Variants in DCAF12L1 observed in about 807,000 individuals in gnomAD.
DCAF12L1 encodes the protein DDB1 and CUL4 associated factor 12 like 1.
For synonymous variants in DCAF12L1, 218 were observed against 196.4 expected (o/e 1.11, Z -0.92); for missense variants, 251 against 409.2 (o/e 0.61, Z 3.34).
Position 126,552,781 on chromosome X carries a change from G to T in DCAF12L1, c.-173C>A. ...ACGCGCGGGAGAGGGCGGCGGTGGC[G>T]GTGCAGACCTAGGCGAAGGCGGGAA... On this transcript the variant is annotated 5_prime_UTR_variant, in exon 1 of 2. Transcript: ENST00000371126. 1.4e-5 allele frequency: 11 copies of T among 805,194 alleles called. No homozygotes were observed. The South Asian group carries it at 2.5e-4, about 18-fold the overall frequency. 66.4% of individuals were successfully genotyped at this position (805,194 alleles called of 1,213,427 possible). A position where few individuals can be genotyped will look rare whatever the true frequency, so the allele number is the denominator to read the frequency against.
chrX:126,552,771 C>A lies in DCAF12L1; in HGVS notation c.-163G>T. ...CGGGTGAGGGACGCGCGGGAGAGGG[C>A]GGCGGTGGCGGTGCAGACCTAGGCG... On this transcript the variant is annotated 5_prime_UTR_variant, in exon 1 of 2. Transcript: ENST00000371126. 1.2e-6 allele frequency: 1 copy of A among 862,725 alleles called. No homozygotes were observed. The allele number at this position is 862,725 out of a possible 1,213,427, so 71.1% of individuals were successfully genotyped here. A position where few individuals can be genotyped will look rare whatever the true frequency, so the allele number is the denominator to read the frequency against.
chrX:126,552,241 A>C lies in DCAF12L1; in HGVS notation c.368T>G (p.Val123Gly). 1 of 1,212,502 alleles carries C rather than the reference A, an allele frequency of 8.2e-7. No individual in the cohort carries two copies. Among genetic ancestry groups the C allele is most frequent in the Non-Finnish European group, 1.1e-6 (1 of 895,639 alleles). The change falls in exon 1 of 2, where the codon GTG becomes GGG. Residue 123 changes from valine to glycine, a missense_variant. By Grantham distance (109) the Val-to-Gly change is moderately radical. Transcript: ENST00000371126. Reference sequence around the variant, plus strand: ...CGCGATGTGGCCTGACTCCACGTCCACCACGAAAAGCGTGTTACACTTGGT... The same window carrying C: ...CGCGATGTGGCCTGACTCCACGTCCCCCACGAAAAGCGTGTTACACTTGGT... The part of the protein sequence containing the change: ...CGTKCNTLFV[V>G]DVESGHIARI...
Position 126,551,940 on chromosome X carries a change from G to C in DCAF12L1, c.669C>G (p.Asp223Glu), listed in dbSNP as rs1357631712. The change falls in exon 1 of 2, where the codon GAC (aspartate) becomes GAG (glutamate). Residue 223 changes from aspartate to glutamate, a missense_variant. Coordinates refer to ENST00000371126, the MANE Select transcript of DCAF12L1 (RefSeq NM_178470.5). ...RDGTVALWRM[D>E]PDKFDDTVAW... is the part of the protein sequence containing the mutation. ...CAACAGTGTCATCGAACTTGTCCGGGTCCATCCGCCACAGCGCCACAGTGC... is the reference window on the plus strand; with the variant it reads ...CAACAGTGTCATCGAACTTGTCCGGCTCCATCCGCCACAGCGCCACAGTGC... The C allele has an allele frequency of 8.2e-7, 1 of 1,212,323 alleles. No individual in the cohort carries two copies. Among genetic ancestry groups the C allele is most frequent in the Admixed American group, 2.2e-5 (1 of 46,182 alleles).
rs1927430858 is a variant in DCAF12L1 at position 126,549,670 on chromosome X, G to T, written c.*1460C>A. On this transcript the variant is annotated 3_prime_UTR_variant, in exon 2 of 2. Transcript: ENST00000371126. ...GCTTACTTTTTGGTATTTCTTAAAT[G>T]ACTTTTAGTACAATTTATTATATTA... is the stretch of plus-strand genomic sequence containing the variant. The T allele has an allele frequency of 8.9e-6, 1 of 112,104 alleles. No homozygotes were observed. The highest frequency in any genetic ancestry group is 3.2e-5 in the African/African-American group (1 of 30,849). 9.2% of individuals were successfully genotyped at this position (112,104 alleles called of 1,213,427 possible). A position where few individuals can be genotyped will look rare whatever the true frequency, so the allele number is the denominator to read the frequency against.
chrX:126,552,287 A>C lies in DCAF12L1; in HGVS notation c.322T>G (p.Ser108Ala), dbSNP rs758565746. The C allele has an allele frequency of 3.1e-5, 37 of 1,211,051 alleles. No individual in the cohort carries two copies. The highest frequency in any genetic ancestry group is 2.4e-4 in the African/African-American group (14 of 57,583). ...NKVFASQWLN[S>A]RQVVCGTKCN... is the part of the protein sequence containing the mutation. The stretch of plus-strand genomic sequence containing the variant: ...TTGGTGCCGCACACCACCTGCCTGG[A>C]GTTCAGCCACTGTGACGCGAACACC... Residue 108 changes from serine (S) to alanine (A), a missense_variant, in exon 1 of 2, where the codon TCC becomes GCC. Coordinates refer to ENST00000371126, the MANE Select transcript of DCAF12L1 (RefSeq NM_178470.5).
rs1246190025 is a variant in DCAF12L1, at chrX:126,549,770, A to C, written c.*1360T>G. On this transcript the variant is annotated 3_prime_UTR_variant, in exon 2 of 2. Transcript: ENST00000371126. ...ATAGCATCTGAGTGCCCAAACATCT[A>C]AGGGAAAACAGACATAACAAATTAC... The C allele has an allele frequency of 8.9e-6, 1 of 112,170 alleles. No individual in the cohort carries two copies. The allele number at this position is 112,170 out of a possible 1,213,427, so 9.2% of individuals were successfully genotyped here.
In DCAF12L1 at chrX:126,552,630, G is replaced by A. The variant is rs1160293426; in HGVS notation, c.-22C>T. 1.7e-6 allele frequency: 2 copies of A among 1,200,519 alleles called. No homozygotes were observed. The highest frequency in any genetic ancestry group is 1.8e-5 in the South Asian group (1 of 56,408). On this transcript the variant is annotated 5_prime_UTR_variant, in exon 1 of 2. Transcript: ENST00000371126. ...CCATGGTGGGCGGCGGGCGAGCGGC[G>A]GCGGCAAGGCGTTGGTGGCGGTTGC...
chrX:126,551,348 A>C lies in DCAF12L1; in HGVS notation c.1261T>G (p.Phe421Val). The stretch of plus-strand genomic sequence containing the variant: ...TTGGGAAACACTTCCATGCCACCAA[A>C]GTAATTCACCCAGAAATCATTGTGG... ...LNHNDFWVNY[F>V]GGMEVFPNAL... is the part of the protein sequence containing the mutation. The change falls in exon 1 of 2, where the codon TTT becomes GTT. Residue 421 changes from phenylalanine to valine, a missense_variant. Transcript: ENST00000371126. 8.3e-7 allele frequency: 1 copy of C among 1,211,644 alleles called. No individual in the cohort carries two copies. The highest frequency in any genetic ancestry group is 1.7e-5 in the African/African-American group (1 of 57,714).
chrX:126,552,687 G>T lies in DCAF12L1; in HGVS notation c.-79C>A. 1.8e-6 allele frequency: 2 copies of T among 1,141,997 alleles called. No homozygotes were observed. The highest frequency in any genetic ancestry group is 1.2e-6 in the Non-Finnish European group (1 of 864,674). The allele number at this position is 1,141,997 out of a possible 1,213,427, so 94.1% of individuals were successfully genotyped here. On this transcript the variant is annotated 5_prime_UTR_variant, in exon 1 of 2. Transcript: ENST00000371126. Reference sequence around the variant, plus strand: ...TGGCTCCGGAGTCGGTCGTGGCGGCGGCGTGGATGGCTGCGCTGGAACCGA... The same window carrying T: ...TGGCTCCGGAGTCGGTCGTGGCGGCTGCGTGGATGGCTGCGCTGGAACCGA...
Position 126,552,199 on chromosome X carries a change from C to A in DCAF12L1, c.410G>T (p.Arg137Leu), listed in dbSNP as rs756928184. 4 of 1,212,560 alleles carry A rather than the reference C, an allele frequency of 3.3e-6. No individual in the cohort carries two copies. The South Asian group carries it at 7.0e-5, about 21-fold the overall frequency. Residue 137 changes from arginine (R) to leucine (L), a missense_variant, in exon 1 of 2, where the codon CGG becomes CTG. Physicochemically the swap from Arg to Leu is moderately radical, Grantham distance 102. Coordinates refer to ENST00000371126, the MANE Select transcript of DCAF12L1 (RefSeq NM_178470.5). ...SGHIARIPLL[R>L]DSEARLAQDQ... ...CTGGGCCAGCCTGGCCTCACTGTCCCGCAAGAGGGGAATGCGCGCGATGTG... is the reference window on the plus strand; with the variant it reads ...CTGGGCCAGCCTGGCCTCACTGTCCAGCAAGAGGGGAATGCGCGCGATGTG...
Position 126,550,136 on chromosome X carries a change from T to A in DCAF12L1, c.*994A>T, listed in dbSNP as rs938202532. On this transcript the variant is annotated 3_prime_UTR_variant, in exon 2 of 2. Coordinates refer to ENST00000371126, the MANE Select transcript of DCAF12L1 (RefSeq NM_178470.5). Reference sequence around the variant, plus strand: ...TTTTTTCAGAATGTGCTATTTTTGGTCTTTGTTTTTTTTATTGTGAATTAC... The same window carrying A: ...TTTTTTCAGAATGTGCTATTTTTGGACTTTGTTTTTTTTATTGTGAATTAC... 3 of 112,625 alleles carry A rather than the reference T, an allele frequency of 2.7e-5. No individual in the cohort carries two copies. Among genetic ancestry groups the A allele is most frequent in the Non-Finnish European group, 5.6e-5 (3 of 53,296 alleles). The allele number at this position is 112,625 out of a possible 1,213,427, so 9.3% of individuals were successfully genotyped here. A position where few individuals can be genotyped will look rare whatever the true frequency, so the allele number is the denominator to read the frequency against.
At position 126,551,298 on chromosome X, in the gene DCAF12L1, G is replaced by A. The variant is rs750765032; in HGVS notation, c.1311C>T (p.Asn437=). The change falls in exon 1 of 2, where the codon AAC becomes AAT. Residue 437 remains asparagine (N), a synonymous_variant. Coordinates refer to ENST00000371126, the MANE Select transcript of DCAF12L1 (RefSeq NM_178470.5). The stretch of plus-strand genomic sequence containing the variant: ...CCACAAAGAGCTTCATCTCAGGCCA[G>A]TTGTAGCAGTGGGTGTAGAGCGCAT... ...FPNALYTHCY[N]WPEMKLFVAG... The A allele has an allele frequency of 4.1e-6, 5 of 1,211,807 alleles. No homozygotes were observed. In the South Asian group the frequency reaches 8.8e-5, roughly 21 times the overall value.
rs77412713 is a variant in DCAF12L1, at chrX:126,551,625, G to A, written c.984C>T (p.His328=). 2.2e-5 allele frequency: 27 copies of A among 1,210,174 alleles called. No homozygotes were observed. Among genetic ancestry groups the A allele is most frequent in the Admixed American group, 2.0e-4 (9 of 45,915 alleles). The change falls in exon 1 of 2, where the codon CAC becomes CAT. Residue 328 remains histidine, a synonymous_variant. Coordinates refer to ENST00000371126, the MANE Select transcript of DCAF12L1 (RefSeq NM_178470.5). ...CCTGGCGCAGATCCAGGAAAGAGAC[G>A]TGGGAATGGGAGCCCACGGCGTACA... is the stretch of plus-strand genomic sequence containing the variant. ...MSVYAVGSHS[H]VSFLDLRQDQ...
Position 126,550,494 on chromosome X carries a change from T to A in DCAF12L1, c.*636A>T, listed in dbSNP as rs1349378961. 2 of 112,517 alleles carry A rather than the reference T, an allele frequency of 1.8e-5. No individual in the cohort carries two copies. The highest frequency in any genetic ancestry group is 9.4e-5 in the Admixed American group (1 of 10,640). The allele number at this position is 112,517 out of a possible 1,213,427, so 9.3% of individuals were successfully genotyped here. ...AAAAATGGTTGTTTCAACTTTCAGG[T>A]TAATTCTGAAAATGCAATGAAGCAG... On this transcript the variant is annotated 3_prime_UTR_variant, in exon 2 of 2. Transcript: ENST00000371126.
rs11095722 is a variant in DCAF12L1, at chrX:126,552,553, T to C, written c.56A>G (p.Asp19Gly). 52,182 of 1,206,370 alleles carry C rather than the reference T, an allele frequency of 0.043. 1,378 individuals are homozygous for C. The highest frequency in any genetic ancestry group is 0.18 in the African/African-American group (10,585 of 57,248). The change falls in exon 1 of 2, where the codon GAC becomes GGC. Residue 19 changes from aspartate to glycine, a missense_variant. Coordinates refer to ENST00000371126, the MANE Select transcript of DCAF12L1 (RefSeq NM_178470.5). ...GCCCTGCGACGGCGAGCTCTCGGCG[T>C]CCGCCTCGACCGCGGGCGCTTTCCG... is the stretch of plus-strand genomic sequence containing the variant. ...RKRKAPAVEA[D>G]AESSPSQGLA...
In DCAF12L1 at chrX:126,551,216, C is replaced by A. The variant is rs1297738690; in HGVS notation, c.*1G>T. The A allele has an allele frequency of 8.3e-7, 1 of 1,203,192 alleles. No homozygotes were observed. The highest frequency in any genetic ancestry group is 1.1e-6 in the Non-Finnish European group (1 of 891,537). ...GTACCTGGAGTACAAGGCGGTCATC[C>A]TTAGCTCCAGAGGCCTGCATAGTTC... On this transcript the variant is annotated 3_prime_UTR_variant, in exon 1 of 2. Coordinates refer to ENST00000371126, the MANE Select transcript of DCAF12L1 (RefSeq NM_178470.5).
chrX:126,551,123 C>T lies in DCAF12L1; in HGVS notation c.*23-16G>A, dbSNP rs1054829648. Reference sequence around the variant, plus strand: ...CTGGTTCCACCTGGAAAACAAAAGACGCACAGAGTTAAAAGCAAAAAAATG... The same window carrying T: ...CTGGTTCCACCTGGAAAACAAAAGATGCACAGAGTTAAAAGCAAAAAAATG... On this transcript the variant is annotated splice_polypyrimidine_tract_variant and intron_variant, in intron 1 of 1. Transcript: ENST00000371126. 7.6e-6 allele frequency: 8 copies of T among 1,048,968 alleles called. No individual in the cohort carries two copies. Among genetic ancestry groups the T allele is most frequent in the African/African-American group, 3.8e-5 (2 of 52,311 alleles). The allele number at this position is 1,048,968 out of a possible 1,213,427, so 86.4% of individuals were successfully genotyped here.
In DCAF12L1 at chrX:126,552,489, C is replaced by T; in HGVS notation, c.120G>A (p.Lys40=). 2 of 1,210,578 alleles carry T rather than the reference C, an allele frequency of 1.7e-6. No homozygotes were observed. The highest frequency in any genetic ancestry group is 5.9e-5 in the East Asian group (2 of 33,792). Residue 40 remains lysine (K), a synonymous_variant, in exon 1 of 2, where the codon AAG becomes AAA. Transcript: ENST00000371126. ...GATACGTCGCCGGCCGCCTCTGCCT[C>T]TTGAGTAGCAGCGGCCCCTCACCGT... is the stretch of plus-strand genomic sequence containing the variant. ...AADGEGPLLL[K]RQRRPATYRS...
At position 126,551,520 on chromosome X, in the gene DCAF12L1, G is replaced by A. The variant is rs148241244; in HGVS notation, c.1089C>T (p.Ile363=). ...GGGAGCCCTGACCGGTGCCCACAGT[G>A]ATGATGTGGCGGTAGAAGCTCAGCG... ...VRSLSFYRHI[I]TVGTGQGSLL... The change falls in exon 1 of 2, where the codon ATC becomes ATT. Residue 363 remains isoleucine (I), a synonymous_variant. Coordinates refer to ENST00000371126, the MANE Select transcript of DCAF12L1 (RefSeq NM_178470.5). The A allele has an allele frequency of 1.1e-3, 1,275 of 1,209,771 alleles. 6 individuals carry two copies. The African/African-American group carries it at 0.019, about 18-fold the overall frequency.
Sources: allele counts gnomAD v4.1 joint callset, GRCh38; gene constraint gnomAD v4.1.1; transcripts MANE v1.5; gene names NCBI Gene and HGNC (gene_info 2026-07-23, HGNC 2026-07-21).